The following ZCCHC24 variants were observed in gnomAD, a reference collection of about 807,000 sequenced individuals.
The protein encoded by ZCCHC24 is zinc finger CCHC-type containing 24.
In ZCCHC24, 10 loss-of-function variants were observed where a neutral mutation model predicts 26.2. The ratio of observed to expected loss-of-function variants is 0.38; its 90% confidence interval spans 0.24 to 0.65. ZCCHC24 has a LOEUF of 0.65. Among genes scored for constraint, ZCCHC24 ranks in the 30% least tolerant of loss-of-function variants. The pLI is 0.54. For synonymous variants in ZCCHC24, 144 were observed against 147.1 expected, an observed-to-expected ratio of 0.98 and a Z score of 0.15; for missense variants, 243 against 329.1, an observed-to-expected ratio of 0.74 and a Z score of 2.03.
At chr10:79,395,667 C>T (rs373521476) in intron 2 of ZCCHC24, among the ~76,000 whole-genome samples, 3 of 152,146 alleles carry the variant, frequency 2.0e-5, no homozygotes, top group African/African-American at 7.2e-5. Flanking sequence ...AGTGAATTTG[C>T]CATGCATTTA....
At chr10:79,436,802 C>T (rs1421707498) in intron 1 of ZCCHC24, among the ~76,000 whole-genome samples, 1 of 152,234 alleles carries the variant, frequency 6.6e-6, no homozygotes, top group Non-Finnish European at 1.5e-5. Context: ...GGCACTGGTG[C>T]AGGGCAAAGC....
At chr10:79,422,478 A>G (rs1856957042) in intron 2 of ZCCHC24, among the ~76,000 whole-genome samples, 1 of 152,194 alleles carries the variant, frequency 6.6e-6, no homozygotes, top group Non-Finnish European at 1.5e-5. Context: ...GGTGAGGAAG[A>G]AGGAGGACTG....
chr10:79,423,587 A>ATATATTTTT (rs749128110), intron 2 of ZCCHC24, among the ~76,000 whole-genome samples: 1 of 112,790 alleles, frequency 8.9e-6, no homozygotes, highest in Non-Finnish European at 1.8e-5. Context: ...TATACTATAT[A>ATATATTTTT]TATATATATA....
intron 2 of ZCCHC24, among the ~76,000 whole-genome samples, chr10:79,420,792 T>C (rs1412828911): frequency 6.6e-6 from 1 of 151,908 alleles, no homozygotes; most frequent in Non-Finnish European, 1.5e-5. Context: ...ATAATAATAA[T>C]AATAATGACA....
chr10:79,437,921 C>A (rs1196689731), intron 1 of ZCCHC24, among the ~76,000 whole-genome samples: 1 of 152,108 alleles, frequency 6.6e-6, no homozygotes, highest in Admixed American at 6.5e-5. Flanking sequence ...CAGAGGGCAG[C>A]CCAGAGGGAG....
In ZCCHC24 at chr10:79,394,387, G is replaced by A. The variant is rs200337567; in HGVS notation, c.501C>T (p.Phe167=). 3.7e-6 allele frequency: 6 copies of A among 1,614,100 alleles called. No individual in the cohort carries two copies. The highest frequency in any genetic ancestry group is 1.1e-5 in the South Asian group (1 of 91,092). ...LTPYQGKKRC[F]GEYKCPKCKR... ...TGCACTTGGGACACTTGTACTCGCC[G>A]AAGCAGCGCTTTTTGCCCTGGTATG... Residue 167 remains phenylalanine, a synonymous_variant, in exon 3 of 4, where the codon TTC becomes TTT. Transcript: ENST00000372336.
chr10:79,430,770 C>G (rs1589677059), intron 2 of ZCCHC24, among the ~76,000 whole-genome samples: 4 of 151,958 alleles, frequency 2.6e-5, no homozygotes, highest in African/African-American at 9.7e-5. Context: ...ATTGGTCACC[C>G]TGGGGGAGGC....
At chr10:79,422,306 C>T (rs1287535107) in intron 2 of ZCCHC24, among the ~76,000 whole-genome samples, 1 of 152,160 alleles carries the variant, frequency 6.6e-6, no homozygotes, top group African/African-American at 2.4e-5. Flanking sequence ...GCAGTGAGGT[C>T]AGGGTTGGAA....
At chr10:79,430,329 CAGG>C (rs1857108218) in intron 2 of ZCCHC24, among the ~76,000 whole-genome samples, 1 of 152,010 alleles carries the variant, frequency 6.6e-6, no homozygotes, top group African/African-American at 2.4e-5. Flanking sequence ...GGAATGGAGC[CAGG>C]AGAAGGCCTC....
At chr10:79,442,930 C>T (rs142125272) in intron 1 of ZCCHC24, among the ~76,000 whole-genome samples, 65 of 152,222 alleles carry the variant, frequency 4.3e-4, no homozygotes, top group African/African-American at 1.5e-3. Flanking sequence ...TTCCGGAAGT[C>T]AGCAGGCACA....
At position 79,386,037 on chromosome 10, in the gene ZCCHC24, C is replaced by G. The variant is rs541301971; in HGVS notation, c.*308G>C. On this transcript the variant is annotated 3_prime_UTR_variant, in exon 4 of 4. Transcript: ENST00000372336. ...CCCCAAAGAGGCTCTCAGAGGCGAG[C>G]CTGTGGGGACACCCAGGGCTCCTGG... is the stretch of plus-strand genomic sequence containing the variant. 198 of 531,804 alleles carry G rather than the reference C, an allele frequency of 3.7e-4. 1 individual carries two copies. The South Asian group carries it at 5.8e-3, about 16-fold the overall frequency. 32.9% of individuals were successfully genotyped at this position (531,804 alleles called of 1,614,324 possible).
chr10:79,435,584 A>G (rs1857204853), intron 1 of ZCCHC24, among the ~76,000 whole-genome samples: 1 of 152,178 alleles, frequency 6.6e-6, no homozygotes, highest in Admixed American at 6.5e-5. Context: ...TCTCCAGGGA[A>G]TTAGGGCCCA....
Position 79,432,608 on chromosome 10 carries a change from G to A in ZCCHC24, c.397C>T (p.Leu133=), listed in dbSNP as rs1157228603. Residue 133 remains leucine, a synonymous_variant, in exon 2 of 4, where the codon CTG becomes TTG. Transcript: ENST00000372336. The stretch of plus-strand genomic sequence containing the variant: ...CCTTTGTTGAAGCACAGGTGGCACA[G>A]GTAGTTGGGTGGGGGCCGCTTGCTG... The part of the protein sequence containing the change: ...KPSKRPPPNY[L]CHLCFNKGHY... 2 of 1,608,412 alleles carry A rather than the reference G, an allele frequency of 1.2e-6. No individual in the cohort carries two copies. Among genetic ancestry groups the A allele is most frequent in the African/African-American group, 2.7e-5 (2 of 74,644 alleles).
intron 2 of ZCCHC24, among the ~76,000 whole-genome samples, chr10:79,406,329 C>T: frequency 6.6e-6 from 1 of 152,154 alleles, no homozygotes; most frequent in Non-Finnish European, 1.5e-5. Flanking sequence ...CAAAGGACAC[C>T]TGTGGCACCT....
Position 79,394,418 on chromosome 10 carries a change from A to G in ZCCHC24, c.470T>C (p.Leu157Pro). 6.2e-7 allele frequency: 1 copy of G among 1,614,216 alleles called. No homozygotes were observed. Among genetic ancestry groups the G allele is most frequent in the South Asian group, 1.1e-5 (1 of 91,090 alleles). ...CPQARPKGEG[L>P]TPYQGKKRCF... The stretch of plus-strand genomic sequence containing the variant: ...GCGCTTTTTGCCCTGGTATGGAGTC[A>G]GGCCCTCGCCTTTGGGGCGTGCCTA... The change falls in exon 3 of 4, where the codon CTG becomes CCG. Residue 157 changes from leucine to proline, a missense_variant. Physicochemically the swap from Leu to Pro is moderately conservative, Grantham distance 98. Coordinates refer to ENST00000372336, the MANE Select transcript of ZCCHC24 (RefSeq NM_153367.4).
At chr10:79,413,574 T>G (rs895991619) in intron 2 of ZCCHC24, among the ~76,000 whole-genome samples, 2 of 152,112 alleles carry the variant, frequency 1.3e-5, no homozygotes, top group South Asian at 4.1e-4. Context: ...GACCTGAAAG[T>G]CAGCTATAGA....
At chr10:79,411,059 G>T (rs1564635487) in intron 2 of ZCCHC24, among the ~76,000 whole-genome samples, 2 of 152,174 alleles carry the variant, frequency 1.3e-5, no homozygotes, top group South Asian at 2.1e-4. Context: ...TGTGCCGGCA[G>T]TGATGGACGG....
chr10:79,413,182 A>C (rs1259167989), intron 2 of ZCCHC24, among the ~76,000 whole-genome samples: 1 of 152,214 alleles, frequency 6.6e-6, no homozygotes, highest in Non-Finnish European at 1.5e-5. Flanking sequence ...CCCTCCCAGC[A>C]TGCTGGGTTT....
intron 2 of ZCCHC24, among the ~76,000 whole-genome samples, chr10:79,418,540 T>G (rs1420788917): frequency 6.6e-6 from 1 of 152,148 alleles, no homozygotes; most frequent in African/African-American, 2.4e-5. Flanking sequence ...TAGAAGGGCA[T>G]AGGGGCTGCA....
Sources: gnomAD v4.1 joint callset for allele counts (sites outside exome capture counted in the v4.1 genomes callset) on GRCh38, gnomAD v4.1.1 for gene constraint, MANE v1.5 for transcripts, NCBI Gene and HGNC (gene_info 2026-07-23, HGNC 2026-07-21) for gene names.